Variants in FOXP2 observed in about 807,000 individuals in gnomAD.
The protein encoded by FOXP2 is forkhead box protein P2.
In FOXP2, 12 loss-of-function variants were observed where a neutral mutation model predicts 115.8. That is an observed-to-expected ratio of 0.10 (90% CI 0.07 to 0.17). The LOEUF is 0.17. Among genes scored for constraint, FOXP2 ranks in the 10% least tolerant of loss-of-function variants. FOXP2 has a pLI of 1.00. For missense variants in FOXP2, 629 were observed against 843.5 expected, an observed-to-expected ratio of 0.75 and a Z score of 3.15; for synonymous variants, 328 against 297.7, an observed-to-expected ratio of 1.10 and a Z score of -1.05.
chr7:114,657,932 A>G, intron 10 of FOXP2, 134 bp from the exon 11 acceptor site: 1 of 869,490 alleles, frequency 1.2e-6, no homozygotes, highest in East Asian at 2.5e-5. Flanking sequence ...ATTAGTTGAG[A>G]TTGGCTGCTT....
chr7:114,634,722 T>C (rs1805120606), intron 6 of FOXP2, among the ~76,000 whole-genome samples: 1 of 152,056 alleles, frequency 6.6e-6, no homozygotes, highest in African/African-American at 2.4e-5. Flanking sequence ...ATCTATGTAA[T>C]ATATGAATAA....
At chr7:114,096,241 A>T (rs1295957153) in intron 1 of FOXP2, among the ~76,000 whole-genome samples, 1 of 152,210 alleles carries the variant, frequency 6.6e-6, no homozygotes, top group East Asian at 1.9e-4. Flanking sequence ...TCAAATACTC[A>T]TACATTTCAA....
intron 2 of FOXP2, among the ~76,000 whole-genome samples, chr7:114,366,853 T>C (rs541413926): frequency 7.4e-4 from 112 of 152,158 alleles, no homozygotes; most frequent in Non-Finnish European, 7.9e-4. Context: ...GACTTTTTTT[T>C]TCTAAAATTA....
chr7:114,561,897 C>A (rs1800777204), intron 3 of FOXP2, among the ~76,000 whole-genome samples: 2 of 152,136 alleles, frequency 1.3e-5, no homozygotes, highest in African/African-American at 4.8e-5. Flanking sequence ...TCAAGTCATT[C>A]TCCTACCTCA....
chr7:114,578,124 G>A (rs769513487), intron 3 of FOXP2, among the ~76,000 whole-genome samples: 39 of 151,932 alleles, frequency 2.6e-4, no homozygotes, highest in Non-Finnish European at 5.3e-4. Flanking sequence ...CAAATGTACT[G>A]TTGTTTTATC....
At chr7:114,475,430 C>A (rs1296830815) in intron 2 of FOXP2, among the ~76,000 whole-genome samples, 1 of 151,906 alleles carries the variant, frequency 6.6e-6, no homozygotes, top group Non-Finnish European at 1.5e-5. Context: ...GTCAAGCCTG[C>A]ATGAAAGTAA....
chr7:114,658,885 A>T (rs1806726491), intron 11 of FOXP2, among the ~76,000 whole-genome samples: 1 of 152,094 alleles, frequency 6.6e-6, no homozygotes, highest in African/African-American at 2.4e-5. Flanking sequence ...TGTAACCATT[A>T]TTAGCCCAGA....
intron 2 of FOXP2, among the ~76,000 whole-genome samples, chr7:114,437,595 T>C (rs545055995): frequency 6.6e-6 from 1 of 152,062 alleles, no homozygotes; most frequent in African/African-American, 2.4e-5. Flanking sequence ...ATTAGTAGAG[T>C]GTTACACATG....
chr7:114,167,358 A>G (rs1793009709), intron 1 of FOXP2, among the ~76,000 whole-genome samples: 1 of 152,174 alleles, frequency 6.6e-6, no homozygotes, highest in Admixed American at 6.6e-5. Flanking sequence ...TATGATTCCA[A>G]CCACAGGCAT....
At chr7:114,459,445 G>A (rs1303857798) in intron 2 of FOXP2, among the ~76,000 whole-genome samples, 1 of 152,180 alleles carries the variant, frequency 6.6e-6, no homozygotes, top group East Asian at 1.9e-4. Flanking sequence ...AGCAAAAGTT[G>A]TATTTTCAGA....
intron 2 of FOXP2, among the ~76,000 whole-genome samples, chr7:114,488,595 T>C (rs1425499939): frequency 6.6e-6 from 1 of 152,164 alleles, no homozygotes; most frequent in Non-Finnish European, 1.5e-5. Context: ...TTGCTGTTTT[T>C]ACAACATATA....
chr7:114,256,266 C>A (rs962177790), intron 1 of FOXP2, among the ~76,000 whole-genome samples: 3 of 152,154 alleles, frequency 2.0e-5, no homozygotes, highest in South Asian at 2.1e-4. Flanking sequence ...CCATGCCTGG[C>A]TAATTTTTTT....
chr7:114,095,000 C>T (rs546748502), intron 1 of FOXP2, among the ~76,000 whole-genome samples: 34 of 152,040 alleles, frequency 2.2e-4, no homozygotes, highest in African/African-American at 5.5e-4. Context: ...TTCCTTGTTG[C>T]GAGTAGGAAA....
intron 1 of FOXP2, among the ~76,000 whole-genome samples, chr7:114,282,793 A>T (rs1454547046): frequency 6.6e-6 from 1 of 152,192 alleles, no homozygotes; most frequent in East Asian, 1.9e-4. Context: ...CCTTTGCAGA[A>T]GTAGCTTTTA....
chr7:114,307,402 A>T (rs1285642250), intron 2 of FOXP2, among the ~76,000 whole-genome samples: 2 of 152,134 alleles, frequency 1.3e-5, no homozygotes, highest in African/African-American at 4.8e-5. Flanking sequence ...AGGCCAGTTA[A>T]TGACATGCAC....
intron 2 of FOXP2, among the ~76,000 whole-genome samples, chr7:114,441,976 A>G (rs754762945): frequency 7.9e-5 from 12 of 152,204 alleles, no homozygotes; most frequent in Non-Finnish European, 1.3e-4. Context: ...AGCCTCCACT[A>G]TGTTACTCAG....
At chr7:114,549,536 C>G (rs1800097848) in intron 3 of FOXP2, among the ~76,000 whole-genome samples, 1 of 152,146 alleles carries the variant, frequency 6.6e-6, no homozygotes, top group Non-Finnish European at 1.5e-5. Flanking sequence ...TGTGACTCTG[C>G]CCAGCCAAAC....
intron 3 of FOXP2, among the ~76,000 whole-genome samples, chr7:114,557,134 T>G (rs1486510503): frequency 6.6e-6 from 1 of 152,186 alleles, no homozygotes; most frequent in Non-Finnish European, 1.5e-5. Flanking sequence ...CAAACCCTGT[T>G]TTCATACATT....
chr7:114,373,149 C>T (rs112983471), intron 2 of FOXP2, among the ~76,000 whole-genome samples: 7 of 152,096 alleles, frequency 4.6e-5, no homozygotes, highest in African/African-American at 1.2e-4. Flanking sequence ...CCAGCCACCA[C>T]GCCAGGCTAA....
Sources: gnomAD v4.1 joint callset for allele counts (sites outside exome capture counted in the v4.1 genomes callset) on GRCh38, gnomAD v4.1.1 for gene constraint, MANE v1.5 for transcripts, NCBI Gene and HGNC (gene_info 2026-07-23, HGNC 2026-07-21) for gene names.